Variants in ZFAND3 observed in about 807,000 individuals in gnomAD.
ZFAND3 encodes AN1-type zinc finger protein 3.
In ZFAND3, 10 loss-of-function variants were observed where a neutral mutation model predicts 29.6. The ratio of observed to expected loss-of-function variants is 0.34; its 90% CI spans 0.21 to 0.57. The LOEUF is 0.57. ZFAND3 is among the 20% of genes least tolerant of loss of function. ZFAND3 has a pLI of 0.86. For synonymous variants in ZFAND3, 128 were observed against 112.6 expected, an observed-to-expected ratio of 1.14 and a Z score of -0.87; for missense variants, 230 against 304.5, an observed-to-expected ratio of 0.76 and a Z score of 1.82.
rs58560520 is a variant in ZFAND3 at position 38,030,051 on chromosome 6, G to GATAT, written c.113-31494_113-31491dup. Among the ~76,000 whole-genome samples, 174 of 94,852 alleles carry GATAT rather than the reference G, an allele frequency of 1.8e-3. 1 individual carries two copies. Among genetic ancestry groups the GATAT allele is most frequent in the African/African-American group, 2.7e-3 (56 of 20,566 alleles). 62.2% of individuals were successfully genotyped at this position (94,852 alleles called of 152,430 possible). On this transcript the variant is annotated intron_variant, in intron 2 of 5. Transcript: ENST00000287218. ...CATTTCTTGTTATGTAGTTCTGCTG[G>GATAT]ATATATATATATATATATATATATA...
intron 2 of ZFAND3, among the ~76,000 whole-genome samples, chr6:38,051,146 G>A (rs1312802443): frequency 6.6e-6 from 1 of 151,946 alleles, no homozygotes; most frequent in Non-Finnish European, 1.5e-5. Flanking sequence ...TCCCACCACC[G>A]CTCTACCCAG....
intron 1 of ZFAND3, among the ~76,000 whole-genome samples, chr6:37,861,284 A>T (rs1242937101): frequency 1.3e-5 from 2 of 152,160 alleles, no homozygotes; most frequent in Admixed American, 1.3e-4. Context: ...AAATAGCATG[A>T]TGAAAGTAAA....
At chr6:37,879,451 A>C (rs1315587981) in intron 1 of ZFAND3, among the ~76,000 whole-genome samples, 1 of 152,046 alleles carries the variant, frequency 6.6e-6, no homozygotes, top group Non-Finnish European at 1.5e-5. Context: ...CTTGATACCC[A>C]CATGGACTTG....
intron 1 of ZFAND3, among the ~76,000 whole-genome samples, chr6:37,903,758 T>G (rs1344568627): frequency 1.3e-5 from 2 of 152,226 alleles, no homozygotes. Context: ...AAAAATGTGC[T>G]TGCTTTTTAA....
At chr6:37,851,948 A>G (rs765930845) in intron 1 of ZFAND3, among the ~76,000 whole-genome samples, 1 of 152,220 alleles carries the variant, frequency 6.6e-6, no homozygotes, top group Non-Finnish European at 1.5e-5. Flanking sequence ...TAGCTGATAC[A>G]TTGCAGTAAA....
At chr6:37,908,811 A>G (rs1165867687) in intron 1 of ZFAND3, among the ~76,000 whole-genome samples, 2 of 151,874 alleles carry the variant, frequency 1.3e-5, no homozygotes, top group African/African-American at 4.8e-5. Flanking sequence ...TTCTAAAGGA[A>G]TGACTTTCTC....
intron 1 of ZFAND3, among the ~76,000 whole-genome samples, chr6:37,913,425 T>G (rs1765557875): frequency 6.6e-6 from 1 of 152,222 alleles, no homozygotes; most frequent in South Asian, 2.1e-4. Flanking sequence ...ATTTCAATTT[T>G]ATTATGACAT....
chr6:38,005,547 A>G (rs1322128995), intron 2 of ZFAND3, among the ~76,000 whole-genome samples: 2 of 152,198 alleles, frequency 1.3e-5, no homozygotes, highest in Non-Finnish European at 2.9e-5. Context: ...ACAAGCCTTT[A>G]TCTATCCTTC....
chr6:37,926,332 C>G (rs376421485), intron 1 of ZFAND3, among the ~76,000 whole-genome samples: 1 of 152,298 alleles, frequency 6.6e-6, no homozygotes, highest in South Asian at 2.1e-4. Flanking sequence ...TCTGGGAGGG[C>G]TTCCTTCCCT....
chr6:37,871,032 G>A (rs1764686746), intron 1 of ZFAND3, among the ~76,000 whole-genome samples: 1 of 152,014 alleles, frequency 6.6e-6, no homozygotes, highest in Non-Finnish European at 1.5e-5. Context: ...ACTCCGTTTG[G>A]GAAAATTTTG....
intron 1 of ZFAND3, among the ~76,000 whole-genome samples, chr6:37,867,139 C>A (rs540310799): frequency 6.6e-6 from 1 of 152,256 alleles, no homozygotes; most frequent in South Asian, 2.1e-4. Context: ...TCCTTCCTAT[C>A]TTTTTTTGTA....
chr6:37,859,222 A>G (rs1470246392), intron 1 of ZFAND3, among the ~76,000 whole-genome samples: 1 of 152,260 alleles, frequency 6.6e-6, no homozygotes, highest in Non-Finnish European at 1.5e-5. Context: ...AGGATCAAGT[A>G]TGTTAATGTA....
At chr6:38,051,578 A>G (rs1238464557) in intron 2 of ZFAND3, among the ~76,000 whole-genome samples, 5 of 152,212 alleles carry the variant, frequency 3.3e-5, no homozygotes, top group Non-Finnish European at 7.3e-5. Context: ...GTAAACAAAG[A>G]GAAGTTTTTT....
At chr6:37,916,074 GT>G (rs1002371122) in intron 1 of ZFAND3, among the ~76,000 whole-genome samples, 1 of 125,614 alleles carries the variant, frequency 8.0e-6, no homozygotes, top group African/African-American at 3.2e-5. Context: ...CGGCTGCTGT[GT>G]TTTTTTTAAC....
intron 1 of ZFAND3, among the ~76,000 whole-genome samples, chr6:37,901,081 A>G (rs1410328863): frequency 1.3e-5 from 2 of 152,122 alleles, no homozygotes; most frequent in African/African-American, 2.4e-5. Flanking sequence ...TTATTGAAAG[A>G]TAGGCTACTG....
chr6:37,838,820 C>G (rs1035573668), intron 1 of ZFAND3, among the ~76,000 whole-genome samples: 1 of 152,136 alleles, frequency 6.6e-6, no homozygotes, highest in Non-Finnish European at 1.5e-5. Flanking sequence ...TTTCACTTCT[C>G]TTATTTGAAT....
At chr6:37,952,897 T>C (rs557704735) in intron 2 of ZFAND3, among the ~76,000 whole-genome samples, 12 of 151,786 alleles carry the variant, frequency 7.9e-5, no homozygotes, top group African/African-American at 2.2e-4. Flanking sequence ...GCTGGTCTTC[T>C]TGATGGTCTA....
At chr6:37,820,849 C>T (rs976340963) in intron 1 of ZFAND3, among the ~76,000 whole-genome samples, 2 of 152,182 alleles carry the variant, frequency 1.3e-5, no homozygotes, top group East Asian at 3.9e-4. Context: ...GGGAAATCAG[C>T]TCCTCTTCCT....
chr6:37,865,950 G>T (rs1421477675), intron 1 of ZFAND3, among the ~76,000 whole-genome samples: 1 of 152,200 alleles, frequency 6.6e-6, no homozygotes, highest in Non-Finnish European at 1.5e-5. Flanking sequence ...TTTCTGGTCT[G>T]TGTGCCCTAA....
Sources: allele counts gnomAD v4.1 joint callset (sites outside exome capture counted in the v4.1 genomes callset), GRCh38; gene constraint gnomAD v4.1.1; transcripts MANE v1.5; gene names NCBI Gene and HGNC (gene_info 2026-07-23, HGNC 2026-07-21).